Variants in LMLN observed in about 807,000 individuals in gnomAD.
LMLN encodes leishmanolysin-like peptidase.
A neutral mutation model predicts 92.3 loss-of-function variants in LMLN; 70 were observed. The observed-to-expected ratio is 0.76, with a 90% CI of 0.63 to 0.92. The LOEUF (loss-of-function observed/expected upper bound fraction) is 0.92. Ranked by LOEUF, LMLN falls within the 40% of genes least tolerant of loss-of-function variation. LMLN has a pLI of 0.00. For synonymous variants in LMLN, 308 were observed against 296.2 expected, an observed-to-expected ratio of 1.04 and a Z score of -0.41; for missense variants, 691 against 814.6, an observed-to-expected ratio of 0.85 and a Z score of 1.85.
chr3:197,982,221 T>G (rs1269427447), intron 6 of LMLN, among the ~76,000 whole-genome samples: 4 of 141,850 alleles, frequency 2.8e-5, no homozygotes, highest in Non-Finnish European at 5.9e-5. Context: ...AGCAGTTACC[T>G]TCTTTTTTTT....
intron 11 of LMLN, among the ~76,000 whole-genome samples, chr3:198,001,241 GA>G (rs1722163998): frequency 6.6e-6 from 1 of 152,128 alleles, no homozygotes; most frequent in Non-Finnish European, 1.5e-5. Context: ...ATCTTCATGA[GA>G]GCAGGTTCTG....
intron 6 of LMLN, among the ~76,000 whole-genome samples, chr3:197,981,100 C>T (rs1473963502): frequency 6.9e-6 from 1 of 144,348 alleles, no homozygotes; most frequent in Non-Finnish European, 1.5e-5. Flanking sequence ...GAAACCTTGT[C>T]CCTCACAAAA....
chr3:197,960,293 G>A (rs1368203134), exon 1 of LMLN: 4 of 1,613,690 alleles, frequency 2.5e-6, no homozygotes, highest in Non-Finnish European at 3.4e-6. Context: ...GCTCAGGCCC[G>A]GGCCGGAGCC....
At chr3:197,985,398 C>CAA (rs1316520207) in intron 7 of LMLN, among the ~76,000 whole-genome samples, 2 of 150,516 alleles carry the variant, frequency 1.3e-5, no homozygotes, top group Non-Finnish European at 3.0e-5. Context: ...TGTACACACA[C>CAA]ACACACACAC....
intron 11 of LMLN, among the ~76,000 whole-genome samples, chr3:198,014,315 C>T (rs1163389501): frequency 6.5e-5 from 8 of 122,244 alleles, no homozygotes; most frequent in South Asian, 3.1e-4. Context: ...CTTCTCTCCA[C>T]CCTTCAGAGC....
chr3:198,000,233 A>C (rs1246628361), intron 11 of LMLN, among the ~76,000 whole-genome samples: 1 of 152,044 alleles, frequency 6.6e-6, no homozygotes, highest in Non-Finnish European at 1.5e-5. Context: ...CAACCCCTAC[A>C]TATAAAAAAA....
At chr3:198,020,787 T>G (rs1171342659) in intron 12 of LMLN, among the ~76,000 whole-genome samples, 3 of 138,610 alleles carry the variant, frequency 2.2e-5, no homozygotes, top group African/African-American at 8.1e-5. Flanking sequence ...TTTTTTTTTT[T>G]TTTTTTTTTT....
rs778166377 is a variant in LMLN at position 197,999,258 on chromosome 3, A to AT, written c.1156-4dup. 6.2e-7 allele frequency: 1 copy of AT among 1,608,660 alleles called. No individual in the cohort carries two copies. The highest frequency in any genetic ancestry group is 8.5e-7 in the Non-Finnish European group (1 of 1,175,124). ...CTAGTCTAATTAAACCCTGTTGGTG[A>AT]TTTTCAGAATGAAGCGATGACTGGT... On this transcript the variant is annotated splice_region_variant and splice_polypyrimidine_tract_variant and intron_variant, in intron 10 of 15. Transcript: ENST00000330198.
At chr3:197,980,456 A>T in exon 6 of LMLN, 1 of 1,614,082 alleles carries the variant, frequency 6.2e-7, no homozygotes, top group Non-Finnish European at 8.5e-7. Context: ...AGCCATGAAA[A>T]CATCATCTCT....
intron 9 of LMLN, among the ~76,000 whole-genome samples, chr3:197,991,763 C>G (rs997600966): frequency 6.6e-6 from 1 of 152,022 alleles, no homozygotes; most frequent in African/African-American, 2.4e-5. Flanking sequence ...TCTCTGACTT[C>G]TAAAGTTCTG....
intron 8 of LMLN, among the ~76,000 whole-genome samples, chr3:197,986,878 C>T (rs1721724344): frequency 7.0e-6 from 1 of 142,978 alleles, no homozygotes. Context: ...CTCGCTCTGT[C>T]GTTCAGGCTG....
Position 198,001,457 on chromosome 3 carries a change from A to T in LMLN, c.1232+2115A>T, listed in dbSNP as rs540327821. Among the ~76,000 whole-genome samples the T allele has an allele frequency of 2.0e-5, 3 of 152,298 alleles. No homozygotes were observed. The South Asian group carries it at 6.2e-4, about 32-fold the overall frequency. On this transcript the variant is annotated intron_variant, in intron 11 of 15. Transcript: ENST00000330198. Reference sequence around the variant, plus strand: ...GCGCTCATCGACATGTACCTTCACAAAGGAGTCTACTTACTCCACATTTTA... The same window carrying T: ...GCGCTCATCGACATGTACCTTCACATAGGAGTCTACTTACTCCACATTTTA...
chr3:198,024,978 G>A lies in LMLN; in HGVS notation c.1656+190G>A, dbSNP rs73894250. 1.6e-3 allele frequency among the ~76,000 whole-genome samples: 249 copies of A among 152,292 alleles called. 1 individual carries two copies. Among genetic ancestry groups the A allele is most frequent in the African/African-American group, 5.5e-3 (229 of 41,550 alleles). On this transcript the variant is annotated intron_variant, in intron 14 of 15. Transcript: ENST00000330198. ...ATATTGTCATTTCTTTAGAAAAAGT[G>A]CCTCTTAAAAATATATATGTAATTA...
intron 14 of LMLN, among the ~76,000 whole-genome samples, chr3:198,032,155 G>A (rs1581185576): frequency 6.6e-6 from 1 of 151,472 alleles, no homozygotes; most frequent in South Asian, 2.1e-4. Context: ...TGGAAGCTCT[G>A]AGCACACACA....
chr3:198,022,259 C>A (rs1477086661), intron 13 of LMLN, among the ~76,000 whole-genome samples: 1 of 152,050 alleles, frequency 6.6e-6, no homozygotes, highest in African/African-American at 2.4e-5. Flanking sequence ...TATAAATGAA[C>A]AAGATATCAA....
chr3:197,976,693 T>C, exon 5 of LMLN: 1 of 1,553,406 alleles, frequency 6.4e-7, no homozygotes, highest in Non-Finnish European at 8.8e-7. Flanking sequence ...GGCCCCGTTA[T>C]TGTTCCTGAG....
exon 4 of LMLN, chr3:197,976,049 G>T: frequency 6.3e-7 from 1 of 1,595,544 alleles, no homozygotes; most frequent in South Asian, 1.1e-5. Flanking sequence ...TCCCACAAGC[G>T]ATTTCTTATT....
At chr3:197,979,933 C>T (rs1262060990) in intron 5 of LMLN, among the ~76,000 whole-genome samples, 1 of 151,722 alleles carries the variant, frequency 6.6e-6, no homozygotes, top group Non-Finnish European at 1.5e-5. Flanking sequence ...ATTTTTTTTA[C>T]CACTTAGTTT....
At chr3:197,971,944 C>CTTTTTTTTTTTTTTTTTTTTTTT (rs756710031) in intron 1 of LMLN, among the ~76,000 whole-genome samples, 4 of 81,218 alleles carry the variant, frequency 4.9e-5, no homozygotes, top group Admixed American at 1.4e-4. Context: ...AGTCTCTGTT[C>CTTTTTTTTTTTTTTTTTTTTTTT]TTTTTTTTTT....
Sources: gnomAD v4.1 joint callset for allele counts (sites outside exome capture counted in the v4.1 genomes callset) on GRCh38, gnomAD v4.1.1 for gene constraint, MANE v1.5 for transcripts, NCBI Gene and HGNC (gene_info 2026-07-23, HGNC 2026-07-21) for gene names.